Variants in APOB observed in about 807,000 individuals in gnomAD.
The protein encoded by APOB is apolipoprotein B, also known as apolipoprotein B-100.
A neutral mutation model predicts 314.1 loss-of-function variants in APOB; 153 were observed. The observed-to-expected ratio is 0.49, with a 90% CI of 0.43 to 0.56. APOB has a LOEUF of 0.56. Among genes scored for constraint, APOB ranks in the 20% least tolerant of loss-of-function variants. APOB has a pLI of 0.00. For missense variants in APOB, 5,430 were observed against 5,350.7 expected (o/e 1.01, Z -0.46); for synonymous variants, 2,087 against 2,036.4 (o/e 1.02, Z -0.67).
Position 21,001,553 on chromosome 2 carries a change from G to A in APOB, c.*177C>T, listed in dbSNP as rs1572773912. The A allele has an allele frequency of 6.5e-6, 4 of 611,498 alleles. No individual in the cohort carries two copies. Among genetic ancestry groups the A allele is most frequent in the East Asian group, 5.7e-5 (2 of 35,098 alleles). The allele number at this position is 611,498 out of a possible 1,614,324, so 37.9% of individuals were successfully genotyped here. A position where few individuals can be genotyped will look rare whatever the true frequency, so the allele number is the denominator to read the frequency against. ...CCTTCTGAGTTCAGAGACCTTCCGA[G>A]CCCTGGTGCCAGCTTTGGTGCAGGT... On this transcript the variant is annotated 3_prime_UTR_variant, in exon 29 of 29. Coordinates refer to ENST00000233242, the MANE Select transcript of APOB (RefSeq NM_000384.3).
chr2:21,038,926 T>C (rs1343696194), intron 4 of APOB, among the ~76,000 whole-genome samples: 5 of 152,266 alleles, frequency 3.3e-5, no homozygotes, highest in Non-Finnish European at 7.3e-5. Flanking sequence ...CTCTAACAGA[T>C]TTTTTTAAAA....
Position 21,012,024 on chromosome 2 carries a change from A to G in APOB, c.4844T>C (p.Leu1615Pro). 6.2e-7 allele frequency: 1 copy of G among 1,614,244 alleles called. No homozygotes were observed. Among genetic ancestry groups the G allele is most frequent in the East Asian group, 2.2e-5 (1 of 44,884 alleles). The change falls in exon 26 of 29, where the codon CTT becomes CCT. Residue 1615 changes from leucine to proline, a missense_variant. Coordinates refer to ENST00000233242, the MANE Select transcript of APOB (RefSeq NM_000384.3). ...ACCATGGGAATTTAGTGATCCAGAA[A>G]GCAGGCTGAAGAACCTCAATGACTC... is the stretch of plus-strand genomic sequence containing the variant. ...DYESLRFFSL[L>P]SGSLNSHGLE...
Position 21,005,966 on chromosome 2 carries a change from T to G in APOB, c.10902A>C (p.Lys3634Asn). The G allele has an allele frequency of 6.2e-7, 1 of 1,613,922 alleles. No homozygotes were observed. The highest frequency in any genetic ancestry group is 8.5e-7 in the Non-Finnish European group (1 of 1,179,954). ...ANTKNQKIRW[K>N]NEVRIHSGSF... ...ACCCAGAATGAATCCGGACTTCATT[T>G]TTCCATCTGATCTTCTGGTTCTTAG... The change falls in exon 26 of 29, where the codon AAA becomes AAC. Residue 3634 changes from lysine to asparagine, a missense_variant. Physicochemically the swap from Lys to Asn is moderately conservative, Grantham distance 94 (BLOSUM62 0). Coordinates refer to ENST00000233242, the MANE Select transcript of APOB (RefSeq NM_000384.3).
At position 21,011,657 on chromosome 2, in the gene APOB, C is replaced by G. The variant is rs761779814; in HGVS notation, c.5211G>C (p.Lys1737Asn). ...ATGAGCCCATCATGTCATTTGAGAG[C>G]TTAAGTCCTTCTTGACTGACCTTGA... ...FNFKVSQEGL[K>N]LSNDMMGSYA... Residue 1737 changes from lysine (K) to asparagine (N), a missense_variant, in exon 26 of 29, where the codon AAG (lysine) becomes AAC (asparagine). Transcript: ENST00000233242. 1 of 1,614,188 alleles carries G rather than the reference C, an allele frequency of 6.2e-7. No individual in the cohort carries two copies. The highest frequency in any genetic ancestry group is 8.5e-7 in the Non-Finnish European group (1 of 1,180,032).
At position 21,009,256 on chromosome 2, in the gene APOB, G is replaced by C. The variant is rs72653093; in HGVS notation, c.7612C>G (p.Leu2538Val). Residue 2538 changes from leucine to valine, a missense_variant, in exon 26 of 29, where the codon CTG (leucine) becomes GTG (valine). By Grantham distance (32) the Leu-to-Val change is conservative (BLOSUM62 1). This residue lies in a region of APOB where 3,281 missense variants were observed against 3,171.0 expected (regional missense o/e 1.03). Transcript: ENST00000233242. The stretch of plus-strand genomic sequence containing the variant: ...AGTGTGCTATAAACCTGGCCTACCA[G>C]AGACAGGTATCGTTGAAGTTCCTGC... ...IQQELQRYLS[L>V]VGQVYSTLVT... 2.5e-6 allele frequency: 4 copies of C among 1,614,080 alleles called. No individual in the cohort carries two copies. The highest frequency in any genetic ancestry group is 2.2e-5 in the East Asian group (1 of 44,884).
In APOB at chr2:21,010,324, CA is replaced by C. The variant is rs1558564161; in HGVS notation, c.6543del (p.Phe2181LeufsTer14). 1 of 1,554,522 alleles carries C rather than the reference CA, an allele frequency of 6.4e-7. No individual in the cohort carries two copies. Among genetic ancestry groups the C allele is most frequent in the Non-Finnish European group, 8.7e-7 (1 of 1,151,186 alleles). On this transcript the variant is annotated frameshift_variant, in exon 26 of 29. Transcript: ENST00000233242. LOFTEE classifies it high-confidence loss of function. ...TCATAACTATCTTTAATATACTGAT[CA>C]AATTGTATCATATATGTCTGCAGTT... is the stretch of plus-strand genomic sequence containing the variant. ...LSQLQTYMIQ[F>X]DQYIKDSYDL...
In APOB at chr2:21,002,277, A is replaced by G. The variant is rs561304247; in HGVS notation, c.13145T>C (p.Met4382Thr). The stretch of plus-strand genomic sequence containing the variant: ...ATCAAAATATTCTTCACGAAGGGCC[A>G]TAATGTATTGATGGATCTGCTGTAA... ...QELQQIHQYI[M>T]ALREEYFDPS... The change falls in exon 29 of 29, where the codon ATG (methionine) becomes ACG (threonine). Residue 4382 changes from methionine (M) to threonine (T), a missense_variant. Physicochemically the swap from Met to Thr is moderately conservative, Grantham distance 81 (BLOSUM62 -1). Around this residue, in one of 3 missense-constraint regions of APOB, gnomAD observed 3,281 missense variants for 3,171.0 expected, o/e 1.03. Coordinates refer to ENST00000233242, the MANE Select transcript of APOB (RefSeq NM_000384.3). The G allele has an allele frequency of 1.9e-6, 3 of 1,614,010 alleles. No homozygotes were observed. The African/African-American group carries it at 4.0e-5, about 22-fold the overall frequency.
chr2:21,019,845 G>A lies in APOB; in HGVS notation c.2877C>T (p.Asn959=). The A allele has an allele frequency of 6.2e-7, 1 of 1,614,178 alleles. No homozygotes were observed. The highest frequency in any genetic ancestry group is 1.3e-5 in the African/African-American group (1 of 75,032). The part of the protein sequence containing the change: ...KTEVIPPLIE[N]RQSWSVCKQV... ...GCTTGCAAACTGACCAGGACTGCCT[G>A]TTCTCAATGAGAGGTGGGATCACCT... The change falls in exon 19 of 29, where the codon AAC becomes AAT. Residue 959 remains asparagine (N), a synonymous_variant. Coordinates refer to ENST00000233242, the MANE Select transcript of APOB (RefSeq NM_000384.3).
intron 19 of APOB, 142 bp downstream of exon 19, chr2:21,019,581 G>T: frequency 2.2e-6 from 2 of 903,346 alleles, no homozygotes; most frequent in Non-Finnish European, 3.5e-6. Context: ...AGAGGACCCT[G>T]CTTTAAATAC....
intron 18 of APOB, among the ~76,000 whole-genome samples, chr2:21,020,426 A>G (rs1663578684): frequency 6.6e-6 from 1 of 151,976 alleles, no homozygotes; most frequent in Non-Finnish European, 1.5e-5. Context: ...TGCAGTCTCT[A>G]CTTCCTCCCA....
chr2:21,034,882 CT>C lies in APOB; in HGVS notation c.837del (p.Ala280HisfsTer3). 6.3e-7 allele frequency: 1 copy of C among 1,583,202 alleles called. No individual in the cohort carries two copies. The highest frequency in any genetic ancestry group is 8.7e-7 in the Non-Finnish European group (1 of 1,151,770). ...AGTTTCAAAGTCTGTGTCACTTGTG[CT>C]ACCATCCCATACTTATTCCTGGTAA... Reference protein sequence around the residue: ...PFSYKNKYGMVAQVTQTLKLE... With the variant: ...PFSYKNKYGMXAQVTQTLKLE... On this transcript the variant is annotated frameshift_variant, in exon 8 of 29. Transcript: ENST00000233242. LOFTEE classifies it high-confidence loss of function.
chr2:21,037,354 G>T, intron 5 of APOB, 99 bp from the exon 6 acceptor site: 1 of 1,289,506 alleles, frequency 7.8e-7, no homozygotes, highest in East Asian at 2.4e-5. Context: ...AAAAGCAGAA[G>T]GAATCTAGCT....
intron 15 of APOB, 139 bp downstream of exon 15, chr2:21,026,649 C>A: frequency 1.3e-6 from 1 of 746,972 alleles, no homozygotes; most frequent in Non-Finnish European, 2.4e-6. Flanking sequence ...CTGGCCCTTA[C>A]CCCAGCAGGT....
chr2:21,011,457 T>C lies in APOB; in HGVS notation c.5411A>G (p.Asn1804Ser). The change falls in exon 26 of 29, where the codon AAT (asparagine) becomes AGT (serine). Residue 1804 changes from asparagine (N) to serine (S), a missense_variant. Asn to Ser is a conservative substitution (Grantham distance 46). This residue lies in a region of APOB where 64 missense variants were observed against 99.9 expected (regional missense o/e 0.64). Coordinates refer to ENST00000233242, the MANE Select transcript of APOB (RefSeq NM_000384.3). ...VTTLNSDLKYNALDLTNNGKL... is the reference protein window; with the variant it reads ...VTTLNSDLKYSALDLTNNGKL... Reference sequence around the variant, plus strand: ...CCCATTGTTGGTGAGATCCAGAGCATTGTATTTCAGGTCACTGTTTAAAGT... The same window carrying C: ...CCCATTGTTGGTGAGATCCAGAGCACTGTATTTCAGGTCACTGTTTAAAGT... The C allele has an allele frequency of 6.2e-7, 1 of 1,614,166 alleles. No homozygotes were observed. Among genetic ancestry groups the C allele is most frequent in the Non-Finnish European group, 8.5e-7 (1 of 1,180,024 alleles).
Position 21,004,368 on chromosome 2 carries a change from GC to G in APOB, c.11987del (p.Gly3996AlafsTer11), listed in dbSNP as rs750129545. 2 of 1,613,954 alleles carry G rather than the reference GC, an allele frequency of 1.2e-6. No homozygotes were observed. The highest frequency in any genetic ancestry group is 1.7e-6 in the Non-Finnish European group (2 of 1,179,912). On this transcript the variant is annotated frameshift_variant, in exon 28 of 29. Transcript: ENST00000233242. LOFTEE classifies it high-confidence loss of function. ...CTGGGGAGGCTGCTGAGGTGGAGAT[GC>G]CTTTCTTGTCTTTCTGGTAGCGCAG... The part of the protein sequence containing the change: ...LHLRYQKDKK[G>X]ISTSAASPAV...
intron 10 of APOB, among the ~76,000 whole-genome samples, chr2:21,031,865 A>C (rs1049910683): frequency 6.9e-6 from 1 of 144,598 alleles, no homozygotes. Flanking sequence ...CAACAACAAC[A>C]AAAAAAAACA....
chr2:21,024,891 A>T (rs749146850), intron 16 of APOB, 42 bp downstream of exon 16: 1 of 1,610,762 alleles, frequency 6.2e-7, no homozygotes, highest in Admixed American at 1.7e-5. Flanking sequence ...AAAAAAACCA[A>T]CGTCTGGTCT....
intron 2 of APOB, among the ~76,000 whole-genome samples, chr2:21,043,183 C>T (rs1664174461): frequency 6.6e-6 from 1 of 151,834 alleles, no homozygotes; most frequent in Admixed American, 6.6e-5. Flanking sequence ...GTCAGTATTT[C>T]CTCACCCTCA....
intron 16 of APOB, chr2:21,023,903 T>C (rs374190206): frequency 8.8e-6 from 4 of 452,466 alleles, no homozygotes; most frequent in Middle Eastern, 5.8e-4. Flanking sequence ...TTTCACTAGA[T>C]AGATATCATG....
Sources: allele counts gnomAD v4.1 joint callset (sites outside exome capture counted in the v4.1 genomes callset), GRCh38; gene constraint gnomAD v4.1.1; regional missense constraint gnomAD v4.1.1; transcripts MANE v1.5; gene names NCBI Gene and HGNC (gene_info 2026-07-23, HGNC 2026-07-21).